CDH13: variants seen among roughly 807,000 people sequenced by gnomAD.
The protein encoded by CDH13 is cadherin-13.
A neutral mutation model predicts 63.8 loss-of-function variants in CDH13; 24 were observed. That is an observed-to-expected ratio of 0.38 (90% CI 0.27 to 0.53). The LOEUF (loss-of-function observed/expected upper bound fraction) is 0.53. Ranked by LOEUF, CDH13 falls within the 20% of genes least tolerant of loss-of-function variation. The pLI is 0.85. For synonymous variants in CDH13, 503 were observed against 355.3 expected (o/e 1.42, Z -4.67); for missense variants, 1,049 against 903.1 (o/e 1.16, Z -2.07).
At chr16:83,125,776 G>T (rs983287969) in intron 4 of CDH13, among the ~76,000 whole-genome samples, 2 of 152,176 alleles carry the variant, frequency 1.3e-5, no homozygotes, top group Non-Finnish European at 2.9e-5. Flanking sequence ...AAGAAACAAG[G>T]CTCATTGCTT....
chr16:83,216,511 G>C (rs1261664645), intron 4 of CDH13, among the ~76,000 whole-genome samples: 1 of 129,760 alleles, frequency 7.7e-6, no homozygotes, highest in Non-Finnish European at 1.6e-5. Flanking sequence ...TTAATACATA[G>C]GGATTTAATA....
chr16:83,011,807 G>T (rs774774979), intron 2 of CDH13, among the ~76,000 whole-genome samples: 12 of 152,164 alleles, frequency 7.9e-5, no homozygotes, highest in Non-Finnish European at 1.8e-4. Flanking sequence ...AACCCAGCAA[G>T]TGTTCAGTTC....
chr16:83,132,455 T>TCCC (rs2036098999), intron 4 of CDH13, among the ~76,000 whole-genome samples: 1 of 8,788 alleles, frequency 1.1e-4, no homozygotes, highest in African/African-American at 4.6e-4. Flanking sequence ...ACCCCCCCCT[T>TCCC]TTTTTTTTTT....
rs770451665 is a variant in CDH13 at position 83,121,031 on chromosome 16, G to A, written c.367-4354G>A. 3.2e-4 allele frequency among the ~76,000 whole-genome samples: 48 copies of A among 152,152 alleles called. No homozygotes were observed. In the South Asian group the frequency reaches 5.2e-3, roughly 16 times the overall value. On this transcript the variant is annotated intron_variant, in intron 3 of 13. Transcript: ENST00000567109. ...CCCGCCTCGGCCTCCCAAAGTGCTG[G>A]GATTACAGGCGTGATCCGCTGCGCC...
intron 4 of CDH13, among the ~76,000 whole-genome samples, chr16:83,156,704 C>T (rs980383770): frequency 6.6e-6 from 1 of 152,194 alleles, no homozygotes; most frequent in East Asian, 1.9e-4. Flanking sequence ...TGAAACCAGG[C>T]TTTGACAGCA....
intron 4 of CDH13, among the ~76,000 whole-genome samples, chr16:83,137,927 G>A (rs1165738309): frequency 6.6e-6 from 1 of 151,790 alleles, no homozygotes; most frequent in East Asian, 1.9e-4. Flanking sequence ...TTTCTTTTCC[G>A]GCTTGGAGCT....
At chr16:82,983,241 T>C (rs1714428097) in intron 2 of CDH13, among the ~76,000 whole-genome samples, 1 of 152,182 alleles carries the variant, frequency 6.6e-6, no homozygotes, top group African/African-American at 2.4e-5. Flanking sequence ...CACTTTTTAC[T>C]TAGCCTTCCT....
intron 1 of CDH13, among the ~76,000 whole-genome samples, chr16:82,788,941 G>T (rs982155244): frequency 6.6e-6 from 1 of 152,230 alleles, no homozygotes; most frequent in Admixed American, 6.5e-5. Flanking sequence ...CTTGGGCACA[G>T]GTAGAGGTGA....
chr16:83,291,020 G>T (rs563599423), intron 5 of CDH13, among the ~76,000 whole-genome samples: 12 of 152,058 alleles, frequency 7.9e-5, no homozygotes, highest in African/African-American at 2.7e-4. Flanking sequence ...AGCATGTCAC[G>T]CAGACCTTTG....
chr16:82,730,182 T>G (rs1357183408), intron 1 of CDH13, among the ~76,000 whole-genome samples: 1 of 152,228 alleles, frequency 6.6e-6, no homozygotes, highest in South Asian at 2.1e-4. Context: ...TCAAGAGCTT[T>G]CTTTTGCATT....
intron 4 of CDH13, among the ~76,000 whole-genome samples, chr16:83,198,052 A>G (rs981984966): frequency 6.6e-6 from 1 of 152,206 alleles, no homozygotes; most frequent in African/African-American, 2.4e-5. Flanking sequence ...AAGACTAGAA[A>G]GGATTTATCG....
chr16:83,669,967 T>C (rs1914358203), intron 8 of CDH13, among the ~76,000 whole-genome samples: 1 of 152,234 alleles, frequency 6.6e-6, no homozygotes. Context: ...TGAAAGCTCA[T>C]GAAATTCTCT....
chr16:83,216,436 A>ATAAATATATATG (rs2039528916), intron 4 of CDH13, among the ~76,000 whole-genome samples: 1 of 121,074 alleles, frequency 8.3e-6, no homozygotes, highest in Non-Finnish European at 1.7e-5. Context: ...ATATATATAT[A>ATAAATATATATG]TATATATACA....
intron 4 of CDH13, among the ~76,000 whole-genome samples, chr16:83,206,721 C>G (rs1360131318): frequency 6.6e-6 from 1 of 152,064 alleles, no homozygotes; most frequent in African/African-American, 2.4e-5. Flanking sequence ...AACATTTCAA[C>G]AGTTGTGTTG....
chr16:82,738,998 C>G (rs1045461116), intron 1 of CDH13, among the ~76,000 whole-genome samples: 1 of 152,166 alleles, frequency 6.6e-6, no homozygotes, highest in African/African-American at 2.4e-5. Flanking sequence ...GTTAAATATT[C>G]AAAGAAGCAG....
intron 10 of CDH13, among the ~76,000 whole-genome samples, chr16:83,722,769 C>CT (rs531430998): frequency 1.3e-5 from 2 of 152,130 alleles, no homozygotes; most frequent in Non-Finnish European, 2.9e-5. Context: ...GGAAACCAGG[C>CT]TGGGGGGGTG....
intron 8 of CDH13, among the ~76,000 whole-genome samples, chr16:83,648,604 T>G (rs948566868): frequency 6.6e-6 from 1 of 152,130 alleles, no homozygotes; most frequent in Non-Finnish European, 1.5e-5. Flanking sequence ...CATGGAAATT[T>G]CCATTCATGG....
intron 3 of CDH13, among the ~76,000 whole-genome samples, chr16:83,036,339 G>A (rs1228993582): frequency 6.6e-6 from 1 of 151,908 alleles, no homozygotes; most frequent in East Asian, 1.9e-4. Context: ...TAGTAGAGAT[G>A]GGATTTCACC....
At chr16:83,230,805 T>C (rs1268803183) in intron 5 of CDH13, among the ~76,000 whole-genome samples, 1 of 152,138 alleles carries the variant, frequency 6.6e-6, no homozygotes, top group African/African-American at 2.4e-5. Flanking sequence ...CCAGAGGATA[T>C]CAAACTGAGA....
Sources: allele counts gnomAD v4.1 joint callset (sites outside exome capture counted in the v4.1 genomes callset), GRCh38; gene constraint gnomAD v4.1.1; transcripts MANE v1.5; gene names NCBI Gene and HGNC (gene_info 2026-07-23, HGNC 2026-07-21).